The following MICAL3 variants were observed in gnomAD, a reference collection of about 807,000 sequenced individuals.
MICAL3 encodes microtubule associated monooxygenase, calponin and LIM domain containing 3.
In MICAL3, 62 loss-of-function variants were observed where a neutral mutation model predicts 207.4. The ratio of observed to expected loss-of-function variants is 0.30; its 90% confidence interval spans 0.24 to 0.37. The LOEUF (loss-of-function observed/expected upper bound fraction) is 0.37. MICAL3 is among the 10% of genes least tolerant of loss of function. The probability of loss-of-function intolerance (pLI) is 1.00; values close to 1 mark genes in which losing one functional copy is unlikely to be tolerated. For missense variants in MICAL3, 2,368 were observed against 2,635.6 expected, an observed-to-expected ratio of 0.90 and a Z score of 2.22; for synonymous variants, 1,077 against 1,069.3, an observed-to-expected ratio of 1.01 and a Z score of -0.14.
At chr22:17,897,456 G>T (rs951350378) in intron 7 of MICAL3, among the ~76,000 whole-genome samples, 1 of 151,374 alleles carries the variant, frequency 6.6e-6, no homozygotes, top group African/African-American at 2.4e-5. Flanking sequence ...GAGGGGTTTG[G>T]GGGGTGGATT....
intron 19 of MICAL3, among the ~76,000 whole-genome samples, chr22:17,859,338 G>A (rs1765037701): frequency 1.3e-5 from 2 of 152,220 alleles, no homozygotes; most frequent in South Asian, 4.1e-4. Flanking sequence ...GAACACCCAA[G>A]TGCCTAGGGC....
chr22:17,971,570 A>G (rs939339160), intron 1 of MICAL3, among the ~76,000 whole-genome samples: 47 of 152,346 alleles, frequency 3.1e-4, no homozygotes, highest in African/African-American at 1.1e-3. Flanking sequence ...TACATCTAGC[A>G]TTCATCTAGC....
chr22:17,792,977 T>G (rs2061839396), intron 29 of MICAL3, among the ~76,000 whole-genome samples: 1 of 151,186 alleles, frequency 6.6e-6, no homozygotes, highest in Admixed American at 6.6e-5. Context: ...ATGCAAGCTG[T>G]CCAGTGCGCC....
chr22:17,800,479 A>G (rs971619535), intron 29 of MICAL3, among the ~76,000 whole-genome samples: 2 of 152,214 alleles, frequency 1.3e-5, no homozygotes, highest in Non-Finnish European at 2.9e-5. Context: ...TGGAAATCAC[A>G]AAGTCCAGCT....
chr22:17,901,788 G>C, intron 5 of MICAL3, 90 bp downstream of exon 5: 1 of 930,354 alleles, frequency 1.1e-6, no homozygotes, highest in Admixed American at 2.2e-5. Context: ...CAAAAGGGTG[G>C]ACGCTGGTCA....
intron 18 of MICAL3, among the ~76,000 whole-genome samples, chr22:17,865,700 G>C (rs574489022): frequency 1.3e-5 from 2 of 152,238 alleles, no homozygotes; most frequent in African/African-American, 4.8e-5. Context: ...TCCTGGGTCC[G>C]ACTCAGGGGG....
Position 17,818,318 on chromosome 22 carries a change from G to T in MICAL3, c.4343C>A (p.Ser1448Ter). 1 of 1,574,974 alleles carries T rather than the reference G, an allele frequency of 6.3e-7. No individual in the cohort carries two copies. The change falls in exon 26 of 32, where the codon TCG becomes TAG. Residue 1448 changes from serine to a stop codon, truncating the protein, a stop_gained. Coordinates refer to ENST00000441493, the MANE Select transcript of MICAL3 (RefSeq NM_015241.3). LOFTEE classifies it high-confidence loss of function. ...KTLGSQSFNTSDSAMLTPPSS... is the reference protein window; with the variant it reads ...KTLGSQSFNT ...GGGGGGCGTGAGCATGGCGGAGTCC[G>T]AGGTGTTGAAGCTCTGGCTGCCCAG...
intron 19 of MICAL3, among the ~76,000 whole-genome samples, chr22:17,843,931 C>T (rs905080804): frequency 1.3e-5 from 2 of 152,164 alleles, no homozygotes; most frequent in Non-Finnish European, 2.9e-5. Context: ...ACTGCAACCT[C>T]CGCCTCCCAG....
At chr22:17,879,141 T>G (rs1373857099) in intron 16 of MICAL3, among the ~76,000 whole-genome samples, 1 of 152,166 alleles carries the variant, frequency 6.6e-6, no homozygotes, top group African/African-American at 2.4e-5. Context: ...GAATGCCAGA[T>G]GGGTGACTGC....
intron 1 of MICAL3, among the ~76,000 whole-genome samples, chr22:17,935,160 GCTAT>G (rs1156920193): frequency 1.3e-5 from 2 of 152,094 alleles, no homozygotes; most frequent in Non-Finnish European, 2.9e-5. Context: ...GAGGGATCAC[GCTAT>G]CTGACTTCAA....
chr22:17,993,522 C>G (rs1921930905), intron 1 of MICAL3, among the ~76,000 whole-genome samples: 2 of 152,112 alleles, frequency 1.3e-5, no homozygotes, highest in African/African-American at 4.8e-5. Context: ...ACTTGGGAAT[C>G]AGAAGGAAGA....
rs1569110844 is a variant in MICAL3, at chr22:17,877,558, T to TGGAGGTTAGGGAGGTTATGGAGGTGAG, written c.2242-5536_2242-5535insCTCACCTCCATAACCTCCCTAACCTCC. On this transcript the variant is annotated intron_variant, in intron 16 of 31. Coordinates refer to ENST00000441493, the MANE Select transcript of MICAL3 (RefSeq NM_015241.3). ...GAGGTTATGGAGGTGAGGGAGGTTA[T>TGGAGGTTAGGGAGGTTATGGAGGTGAG]GGAGGTTAGGGAGGTTAGGGAAGTT... Among the ~76,000 whole-genome samples, 128 of 72,202 alleles carry TGGAGGTTAGGGAGGTTATGGAGGTGAG rather than the reference T, an allele frequency of 1.8e-3. 4 individuals are homozygous for TGGAGGTTAGGGAGGTTATGGAGGTGAG. Among genetic ancestry groups the TGGAGGTTAGGGAGGTTATGGAGGTGAG allele is most frequent in the Middle Eastern group, 8.2e-3 (1 of 122 alleles). The allele number at this position is 72,202 out of a possible 152,430, so 47.4% of individuals were successfully genotyped here. A position where few individuals can be genotyped will look rare whatever the true frequency, so the allele number is the denominator to read the frequency against.
chr22:17,899,215 C>T (rs1027634820), intron 7 of MICAL3: 56 of 570,696 alleles, frequency 9.8e-5, no homozygotes, highest in Admixed American at 9.0e-4. Context: ...GAAAGCTGGA[C>T]GGTAGGTACG....
At chr22:17,799,551 C>T (rs2061914949) in intron 29 of MICAL3, among the ~76,000 whole-genome samples, 1 of 152,246 alleles carries the variant, frequency 6.6e-6, no homozygotes, top group East Asian at 1.9e-4. Flanking sequence ...AGGCACTCGG[C>T]TATTCTGAGT....
intron 1 of MICAL3, among the ~76,000 whole-genome samples, chr22:17,911,420 A>G (rs2146278335): frequency 6.6e-6 from 1 of 152,302 alleles, no homozygotes. Context: ...CTCCCTAGCC[A>G]ATGCACCATG....
chr22:17,805,672 T>C (rs1030873676), intron 29 of MICAL3, among the ~76,000 whole-genome samples: 7 of 152,262 alleles, frequency 4.6e-5, no homozygotes, highest in Admixed American at 4.6e-4. Flanking sequence ...AAATACCTGA[T>C]GTACAAATAC....
chr22:17,790,703 C>T lies in MICAL3; in HGVS notation c.*29G>A, dbSNP rs1260772078. ...TGCCACTGCCTGGCCAGGCGGATGC[C>T]AACAGAAAATGGAGCGTTGGGTGGG... On this transcript the variant is annotated 3_prime_UTR_variant, in exon 32 of 32. Coordinates refer to ENST00000441493, the MANE Select transcript of MICAL3 (RefSeq NM_015241.3). 8 of 1,560,464 alleles carry T rather than the reference C, an allele frequency of 5.1e-6. No individual in the cohort carries two copies. The highest frequency in any genetic ancestry group is 7.0e-6 in the Non-Finnish European group (8 of 1,150,836).
At chr22:17,791,599 C>T in intron 29 of MICAL3, 2 of 423,988 alleles carry the variant, frequency 4.7e-6, no homozygotes, top group Non-Finnish European at 4.3e-6. Flanking sequence ...CTTAGGATGA[C>T]TTACATTGCT....
chr22:17,862,655 G>C, intron 19 of MICAL3: 2 of 985,304 alleles, frequency 2.0e-6, no homozygotes, highest in Non-Finnish European at 2.4e-6. Flanking sequence ...TATCAAAGGA[G>C]AAAAGGGTAT....
Sources: gnomAD v4.1 joint callset for allele counts (sites outside exome capture counted in the v4.1 genomes callset) on GRCh38, gnomAD v4.1.1 for gene constraint, MANE v1.5 for transcripts, NCBI Gene and HGNC (gene_info 2026-07-23, HGNC 2026-07-21) for gene names.